RALGDS: variants seen among roughly 807,000 people sequenced by gnomAD.
The protein encoded by RALGDS is ral guanine nucleotide dissociation stimulator.
A neutral mutation model predicts 99.8 loss-of-function variants in RALGDS; 44 were observed. That is an observed-to-expected ratio of 0.44 (90% CI 0.35 to 0.57). The LOEUF (loss-of-function observed/expected upper bound fraction) is 0.57. Among genes scored for constraint, RALGDS ranks in the 20% least tolerant of loss-of-function variants. The pLI is 0.01. For synonymous variants in RALGDS, 529 were observed against 505.0 expected (o/e 1.05, Z -0.64); for missense variants, 1,022 against 1,203.1 (o/e 0.85, Z 2.23).
chr9:133,128,483 GC>G (rs918629790), intron 1 of RALGDS, among the ~76,000 whole-genome samples: 7 of 152,130 alleles, frequency 4.6e-5, no homozygotes, highest in African/African-American at 1.4e-4. Flanking sequence ...ACCCCGAGGG[GC>G]CCCGGCATCC....
upstream of RALGDS, among the ~76,000 whole-genome samples, chr9:133,132,367 C>G (rs1832348895): frequency 6.7e-6 from 1 of 149,540 alleles, no homozygotes. Context: ...GGCCTCTCAC[C>G]CCGGTGTTGC....
intron 16 of RALGDS, chr9:133,100,704 A>T (rs1202594752): frequency 8.1e-7 from 1 of 1,236,324 alleles, no homozygotes; most frequent in Non-Finnish European, 1.0e-6. Flanking sequence ...GGATAACAGC[A>T]TCACTGAGCC....
intron 1 of RALGDS, 133 bp downstream of exon 1, chr9:133,120,839 A>G (rs1831893724): frequency 3.0e-6 from 3 of 1,006,744 alleles, no homozygotes; most frequent in African/African-American, 1.7e-5. Context: ...ACCCCCACCT[A>G]TGGAGGAGAG....
chr9:133,123,851 GAC>G (rs1389092209), upstream of RALGDS, among the ~76,000 whole-genome samples: 12 of 66,748 alleles, frequency 1.8e-4, no homozygotes, highest in African/African-American at 4.6e-4. Context: ...CACACACACA[GAC>G]ACACAAAGAT....
At chr9:133,106,360 C>T (rs753073091) in intron 8 of RALGDS, among the ~76,000 whole-genome samples, 3 of 152,196 alleles carry the variant, frequency 2.0e-5, no homozygotes, top group African/African-American at 4.8e-5. Flanking sequence ...TCCCAAGTAG[C>T]TGGGATTACA....
At chr9:133,111,318 T>A (rs901946906) in intron 2 of RALGDS, among the ~76,000 whole-genome samples, 1 of 152,156 alleles carries the variant, frequency 6.6e-6, no homozygotes, top group Admixed American at 6.5e-5. Context: ...TTTGAGACAG[T>A]CACCCAGGCT....
intron 1 of RALGDS, among the ~76,000 whole-genome samples, chr9:133,117,322 G>C (rs1426512507): frequency 6.6e-6 from 1 of 152,224 alleles, no homozygotes; most frequent in Admixed American, 6.5e-5. Context: ...GTCTACATCT[G>C]CTAGGGGGCT....
intron 16 of RALGDS, 42 bp downstream of exon 16, chr9:133,101,478 C>A (rs200172832): frequency 6.2e-7 from 1 of 1,608,376 alleles, no homozygotes; most frequent in South Asian, 1.1e-5. Context: ...GTGCATTTGC[C>A]GCCAGTGGAG....
intron 9 of RALGDS, among the ~76,000 whole-genome samples, chr9:133,105,401 C>T (rs1220493213): frequency 6.6e-5 from 10 of 152,158 alleles, no homozygotes; most frequent in Admixed American, 2.6e-4. Context: ...TGTCTCTTCT[C>T]GGGGCAGGGT....
chr9:133,144,256 C>T lies in RALGDS; in HGVS notation c.18+4707G>A, dbSNP rs1298393073. On this transcript the variant is annotated intron_variant, in intron 1 of 17. Coordinates refer to the RALGDS transcript ENST00000393160. This position sits in a 1 kb window ranked among gnomAD's most constrained non-coding sequence, Gnocchi z 4.5. The stretch of plus-strand genomic sequence containing the variant: ...CTCAGCTTGCAGGCGAGGAACCAAA[C>T]GAAAGGCAAACTCCTGGCCCCTGCA... Among the ~76,000 whole-genome samples, 1 of 152,170 alleles carries T rather than the reference C, an allele frequency of 6.6e-6. No homozygotes were observed. Among genetic ancestry groups the T allele is most frequent in the African/African-American group, 2.4e-5 (1 of 41,450 alleles).
chr9:133,106,041 G>A, intron 8 of RALGDS, 25 bp from the exon 9 acceptor site: 1 of 1,584,904 alleles, frequency 6.3e-7, no homozygotes, highest in Non-Finnish European at 8.6e-7. Flanking sequence ...AAGAAGGAAA[G>A]AGAAAGCTGG....
At position 133,144,287 on chromosome 9, in the gene RALGDS, G is replaced by A. The variant is rs1046066644; in HGVS notation, c.18+4676C>T. Among the ~76,000 whole-genome samples, 2 of 152,074 alleles carry A rather than the reference G, an allele frequency of 1.3e-5. No individual in the cohort carries two copies. Among genetic ancestry groups the A allele is most frequent in the Non-Finnish European group, 2.9e-5 (2 of 67,990 alleles). On this transcript the variant is annotated intron_variant, in intron 1 of 17. Transcript: ENST00000393160. The surrounding 1 kb of genome is among the most constrained non-coding windows in gnomAD (Gnocchi z 4.5). ...GCAAACTCCTGGCCCCTGCAGCCTC[G>A]CAGGTCCCCTATCCCTCCTCCCTGC...
intron 1 of RALGDS, chr9:133,128,993 A>C: frequency 9.9e-7 from 1 of 1,007,206 alleles, no homozygotes; most frequent in Non-Finnish European, 1.4e-6. Context: ...TGGGAGATGA[A>C]GACTCCCCTG....
rs765152800 is a variant in RALGDS at position 133,107,348 on chromosome 9, C to T, written c.1198-48G>A. The T allele has an allele frequency of 5.3e-6, 8 of 1,519,564 alleles. No homozygotes were observed. The African/African-American group carries it at 1.1e-4, about 21-fold the overall frequency. 94.1% of individuals were successfully genotyped at this position (1,519,564 alleles called of 1,614,324 possible). A position where few individuals can be genotyped will look rare whatever the true frequency, so the allele number is the denominator to read the frequency against. Reference sequence around the variant, plus strand: ...CCTGGTCCTGCCCCAGCAGTCTGGGCTGGTGCTGGGGAAGCTGAGGATGCA... The same window carrying T: ...CCTGGTCCTGCCCCAGCAGTCTGGGTTGGTGCTGGGGAAGCTGAGGATGCA... On this transcript the variant is annotated intron_variant, in intron 6 of 17. Coordinates refer to ENST00000372050, the MANE Select transcript of RALGDS (RefSeq NM_006266.4).
At chr9:133,136,542 G>A (rs1448463547) in intron 1 of RALGDS, among the ~76,000 whole-genome samples, 2 of 152,098 alleles carry the variant, frequency 1.3e-5, no homozygotes, top group Non-Finnish European at 2.9e-5. Context: ...TTGGGAGGCC[G>A]AGGCGGGTGG....
At chr9:133,111,108 G>A (rs1021824604) in intron 2 of RALGDS, among the ~76,000 whole-genome samples, 17 of 152,248 alleles carry the variant, frequency 1.1e-4, no homozygotes, top group African/African-American at 3.4e-4. Context: ...TTTGAGGTGC[G>A]GGAATGATTT....
chr9:133,111,429 C>T (rs758120172), intron 2 of RALGDS, among the ~76,000 whole-genome samples: 27 of 152,200 alleles, frequency 1.8e-4, no homozygotes, highest in Non-Finnish European at 2.8e-4. Flanking sequence ...TACAGGCACA[C>T]ACCACCATGC....
At chr9:133,143,030 T>C (rs1400956309) in intron 1 of RALGDS, among the ~76,000 whole-genome samples, 1 of 152,228 alleles carries the variant, frequency 6.6e-6, no homozygotes, top group African/African-American at 2.4e-5. Context: ...GCACTTATCT[T>C]GCAGAGTGCT....
chr9:133,119,914 C>A (rs1250733620), intron 1 of RALGDS, among the ~76,000 whole-genome samples: 3 of 152,184 alleles, frequency 2.0e-5, no homozygotes, highest in Admixed American at 6.5e-5. Flanking sequence ...GGCTAACAAT[C>A]GCCAGCAATC....
Sources: allele counts gnomAD v4.1 joint callset (sites outside exome capture counted in the v4.1 genomes callset), GRCh38; gene constraint gnomAD v4.1.1; non-coding constraint Gnocchi (gnomAD v3.1); transcripts MANE v1.5; gene names NCBI Gene and HGNC (gene_info 2026-07-23, HGNC 2026-07-21).